Variants in AFDN observed in about 807,000 individuals in gnomAD.
AFDN encodes afadin.
Under a neutral mutation model 216.6 loss-of-function variants are expected in AFDN, and 68 were observed. The ratio of observed to expected loss-of-function variants is 0.31; its 90% CI spans 0.26 to 0.38. The LOEUF (loss-of-function observed/expected upper bound fraction) is 0.38. AFDN is among the 10% of genes least tolerant of loss of function. AFDN has a pLI of 1.00. For synonymous variants in AFDN, 868 were observed against 853.7 expected, an observed-to-expected ratio of 1.02 and a Z score of -0.29; for missense variants, 2,136 against 2,342.0, an observed-to-expected ratio of 0.91 and a Z score of 1.82.
chr6:167,947,450 A>G (rs935799038), intron 27 of AFDN, among the ~76,000 whole-genome samples: 7 of 152,206 alleles, frequency 4.6e-5, no homozygotes, highest in Non-Finnish European at 1.0e-4. Context: ...AAGTGCTGGG[A>G]TTACAGGCTT....
In AFDN at chr6:167,907,336, CT is replaced by C. The variant is rs760438502; in HGVS notation, c.1769+48del. 8 of 1,420,316 alleles carry C rather than the reference CT, an allele frequency of 5.6e-6. No homozygotes were observed. In the African/African-American group the frequency reaches 9.9e-5, roughly 18 times the overall value. 88.0% of individuals were successfully genotyped at this position (1,420,316 alleles called of 1,614,324 possible). A position where few individuals can be genotyped will look rare whatever the true frequency, so the allele number is the denominator to read the frequency against. On this transcript the variant is annotated intron_variant, in intron 13 of 33. Transcript: ENST00000683244. ...AATGGTGAAAGTACTGAAAGTATTC[CT>C]AAAAAAGGGTTGGGATAAAGATTGT...
intron 16 of AFDN, chr6:167,913,967 G>T (rs1397875242): frequency 1.8e-6 from 1 of 556,530 alleles, no homozygotes; most frequent in Non-Finnish European, 3.2e-6. Context: ...TGAATCCTAA[G>T]AAATAGTTGC....
intron 5 of AFDN, 103 bp downstream of exon 5, chr6:167,875,598 T>C (rs1785267671): frequency 8.2e-7 from 1 of 1,224,420 alleles, no homozygotes; most frequent in Non-Finnish European, 1.2e-6. Flanking sequence ...ATGGGTGGTG[T>C]AACCTTTTCA....
At chr6:167,943,620 G>A (rs1794946414) in intron 25 of AFDN, 145 bp downstream of exon 25, 2 of 621,190 alleles carry the variant, frequency 3.2e-6, no homozygotes, top group Non-Finnish European at 5.6e-6. Flanking sequence ...CATTTCACTT[G>A]TTATCAAATT....
chr6:167,942,839 G>A (rs557149924), intron 23 of AFDN, among the ~76,000 whole-genome samples: 1 of 152,312 alleles, frequency 6.6e-6, no homozygotes, highest in South Asian at 2.1e-4. Flanking sequence ...TAAAATGATT[G>A]ATAGTATATA....
chr6:167,950,529 A>G (rs544778221), intron 29 of AFDN, among the ~76,000 whole-genome samples: 2 of 152,280 alleles, frequency 1.3e-5, no homozygotes, highest in East Asian at 3.9e-4. Flanking sequence ...GAGCGGACGT[A>G]TCGCAGATGT....
At chr6:167,902,445 T>G in intron 12 of AFDN, 59 bp downstream of exon 12, 1 of 1,253,442 alleles carries the variant, frequency 8.0e-7, no homozygotes, top group Non-Finnish European at 1.2e-6. Context: ...CATGGATGAA[T>G]ACAGTAGTGG....
intron 30 of AFDN, chr6:167,954,354 C>A: frequency 1.2e-6 from 1 of 823,534 alleles, no homozygotes; most frequent in Non-Finnish European, 1.8e-6. Flanking sequence ...ACAGATGACG[C>A]ATGATAGTGA....
intron 23 of AFDN, among the ~76,000 whole-genome samples, chr6:167,942,425 C>T (rs1014119038): frequency 4.6e-5 from 7 of 152,118 alleles, no homozygotes; most frequent in Non-Finnish European, 8.8e-5. Context: ...AGATTTCATG[C>T]GTAGGACTGC....
intron 1 of AFDN, among the ~76,000 whole-genome samples, chr6:167,832,435 GA>G (rs1327743851): frequency 6.6e-6 from 1 of 152,132 alleles, no homozygotes; most frequent in African/African-American, 2.4e-5. Flanking sequence ...GGTGGCAAGG[GA>G]GATCTTTGCC....
chr6:167,969,214 C>T lies in AFDN; in HGVS notation c.5342+16C>T, dbSNP rs539997929. On this transcript the variant is annotated intron_variant, in intron 33 of 33. Coordinates refer to ENST00000683244, the MANE Select transcript of AFDN (RefSeq NM_001386888.1). ...GCTCTAAAAGGTATGGACGGTTGCA[C>T]TAGACGAGGAACTTCATCTGTACCT... 4.4e-6 allele frequency: 7 copies of T among 1,602,478 alleles called. No homozygotes were observed. The Admixed American group carries it at 6.7e-5, about 15-fold the overall frequency.
At chr6:167,862,703 A>C (rs549875527) in intron 1 of AFDN, among the ~76,000 whole-genome samples, 31 of 152,328 alleles carry the variant, frequency 2.0e-4, no homozygotes, top group African/African-American at 7.2e-4. Context: ...TTGCCAGACT[A>C]ACATAGAGAT....
chr6:167,929,414 C>G (rs1394507620), intron 23 of AFDN, among the ~76,000 whole-genome samples: 1 of 152,112 alleles, frequency 6.6e-6, no homozygotes, highest in African/African-American at 2.4e-5. Context: ...AAAGATGGAC[C>G]TTTCACCAGC....
At chr6:167,909,525 G>A (rs1162526377) in intron 13 of AFDN, among the ~76,000 whole-genome samples, 2 of 152,042 alleles carry the variant, frequency 1.3e-5, no homozygotes, top group Admixed American at 1.3e-4. Flanking sequence ...TATTTAATGA[G>A]TGGACCAGCA....
chr6:167,880,544 T>A, intron 6 of AFDN, 27 bp downstream of exon 6: 1 of 1,600,298 alleles, frequency 6.2e-7, no homozygotes, highest in Non-Finnish European at 8.5e-7. Flanking sequence ...AATCAGTAGT[T>A]CTTTCTACTT....
At chr6:167,943,870 A>G in intron 25 of AFDN, 71 bp from the exon 26 acceptor site, 1 of 1,271,166 alleles carries the variant, frequency 7.9e-7, no homozygotes, top group Non-Finnish European at 1.1e-6. Context: ...CATTGCTATA[A>G]TCACAGCGAT....
chr6:167,966,102 C>G, intron 32 of AFDN, 57 bp downstream of exon 32: 13 of 1,536,826 alleles, frequency 8.5e-6, no homozygotes, highest in Non-Finnish European at 1.1e-5. Flanking sequence ...TCCTGCCCCT[C>G]TTAAACCACG....
At chr6:167,901,473 T>G (rs1260226259) in intron 11 of AFDN, among the ~76,000 whole-genome samples, 1 of 152,174 alleles carries the variant, frequency 6.6e-6, no homozygotes, top group African/African-American at 2.4e-5. Context: ...TATTTAGAAA[T>G]TTTGATATTT....
Position 167,969,171 on chromosome 6 carries a change from G to A in AFDN, c.5315G>A (p.Arg1772Gln), listed in dbSNP as rs763320966. ...GCTGTTGGAGCCCATGACGCCTGTC[G>A]GGATGCAAAAGAGAAGCGCTCTAAA... is the stretch of plus-strand genomic sequence containing the variant. ...GAAVGAHDACRDAKEKRSKSQ... is the reference protein window; with the variant it reads ...GAAVGAHDACQDAKEKRSKSQ... The change falls in exon 33 of 34, where the codon CGG (arginine) becomes CAG (glutamine). Residue 1772 changes from arginine to glutamine, a missense_variant. Arg to Gln is a conservative substitution (Grantham distance 43, BLOSUM62 1). Transcript: ENST00000683244. The A allele has an allele frequency of 9.3e-6, 15 of 1,613,900 alleles. No individual in the cohort carries two copies. The highest frequency in any genetic ancestry group is 2.2e-5 in the East Asian group (1 of 44,874).
Sources: allele counts gnomAD v4.1 joint callset (sites outside exome capture counted in the v4.1 genomes callset), GRCh38; gene constraint gnomAD v4.1.1; transcripts MANE v1.5; gene names NCBI Gene and HGNC (gene_info 2026-07-23, HGNC 2026-07-21).